Variants in CCDC150 observed in about 807,000 individuals in gnomAD.
CCDC150 encodes the protein coiled-coil domain containing 150, also known as coiled-coil domain-containing protein 150.
CCDC150 carries 151 observed loss-of-function variants against 156.5 expected under a neutral mutation model. The observed-to-expected ratio is 0.97, with a 90% CI of 0.85 to 1.10. CCDC150 has a LOEUF of 1.10. Ranked by LOEUF, CCDC150 falls within the 50% of genes least tolerant of loss-of-function variation. The pLI is 0.00. For synonymous variants in CCDC150, 452 were observed against 429.4 expected, an observed-to-expected ratio of 1.05 and a Z score of -0.65; for missense variants, 1,312 against 1,268.1, an observed-to-expected ratio of 1.03 and a Z score of -0.53.
At chr2:196,642,084 T>G (rs1273629629) in intron 1 of CCDC150, among the ~76,000 whole-genome samples, 1 of 152,240 alleles carries the variant, frequency 6.6e-6, no homozygotes, top group African/African-American at 2.4e-5. Context: ...TGCATAGAAA[T>G]TAGTTATGAA....
chr2:196,691,294 CT>C (rs1280323193), intron 13 of CCDC150, among the ~76,000 whole-genome samples: 4 of 152,162 alleles, frequency 2.6e-5, no homozygotes, highest in Non-Finnish European at 5.9e-5. Context: ...ACCAGCTCTT[CT>C]TTGTACCTGT....
At position 196,717,890 on chromosome 2, in the gene CCDC150, C is replaced by CAA. The variant is rs3085043; in HGVS notation, c.1867-602_1867-601dup. ...TAGATGACAGAGCGAAATTCAGTCT[C>CAA]AAAAAAAAAAAAGCAGGATGAAGGG... is the stretch of plus-strand genomic sequence containing the variant. On this transcript the variant is annotated intron_variant, in intron 17 of 27. Coordinates refer to ENST00000389175, the MANE Select transcript of CCDC150 (RefSeq NM_001080539.2). 5.2e-3 allele frequency among the ~76,000 whole-genome samples: 779 copies of CAA among 148,676 alleles called. 5 individuals are homozygous for CAA. The highest frequency in any genetic ancestry group is 0.019 in the African/African-American group (747 of 39,808).
chr2:196,720,695 A>G, intron 20 of CCDC150, 27 bp downstream of exon 20: 2 of 1,581,086 alleles, frequency 1.3e-6, no homozygotes. Context: ...AAAAAATGAT[A>G]ACATTGATAT....
At chr2:196,698,244 T>C (rs535577901) in intron 14 of CCDC150, among the ~76,000 whole-genome samples, 42 of 152,308 alleles carry the variant, frequency 2.8e-4, no homozygotes, top group Non-Finnish European at 5.4e-4. Flanking sequence ...CTTGGAACAA[T>C]TATTTTGTGT....
intron 1 of CCDC150, among the ~76,000 whole-genome samples, chr2:196,641,805 T>C (rs1035330941): frequency 1.1e-4 from 16 of 152,006 alleles, no homozygotes; most frequent in African/African-American, 2.7e-4. Context: ...ATAAACAACA[T>C]TGACTCCCTG....
chr2:196,646,963 A>C (rs6719394), intron 2 of CCDC150, among the ~76,000 whole-genome samples: 13,871 of 152,160 alleles, frequency 0.091, 797 homozygotes, highest in African/African-American at 0.17. Context: ...AGATACTAAA[A>C]AACAATTTTT....
chr2:196,646,296 A>G, intron 1 of CCDC150, 45 bp from the exon 2 acceptor site: 1 of 1,567,172 alleles, frequency 6.4e-7, no homozygotes, highest in Non-Finnish European at 8.8e-7. Flanking sequence ...CTATTTTTGA[A>G]CAATAATAGG....
Position 196,730,000 on chromosome 2 carries a change from A to T in CCDC150, c.2864A>T (p.Gln955Leu). 6.2e-7 allele frequency: 1 copy of T among 1,613,736 alleles called. No individual in the cohort carries two copies. The highest frequency in any genetic ancestry group is 1.1e-5 in the South Asian group (1 of 90,944). Residue 955 changes from glutamine (Q) to leucine (L), a missense_variant, in exon 25 of 28, where the codon CAG (glutamine) becomes CTG (leucine). Transcript: ENST00000389175. ...TTTGTGTGTGAAATGACTAACCTGC[A>T]GAAAGAGATGCAGATGTTGGCTAAG... ...QRFVCEMTNL[Q>L]KEMQMLAKSQ...
chr2:196,639,787 G>T lies in CCDC150; in HGVS notation c.12+9G>T. 6.3e-7 allele frequency: 1 copy of T among 1,577,626 alleles called. No homozygotes were observed. Among genetic ancestry groups the T allele is most frequent in the Non-Finnish European group, 8.6e-7 (1 of 1,158,058 alleles). On this transcript the variant is annotated intron_variant, in intron 1 of 27. Coordinates refer to ENST00000389175, the MANE Select transcript of CCDC150 (RefSeq NM_001080539.2). Reference sequence around the variant, plus strand: ...GACAGATGGACTGTAAGGTGAGGCTGCCGGGCCCCGGGCTGGTGAGGGGTG... The same window carrying T: ...GACAGATGGACTGTAAGGTGAGGCTTCCGGGCCCCGGGCTGGTGAGGGGTG...
intron 2 of CCDC150, among the ~76,000 whole-genome samples, chr2:196,651,437 T>G (rs972623576): frequency 6.6e-6 from 1 of 152,222 alleles, no homozygotes; most frequent in Non-Finnish European, 1.5e-5. Context: ...CTTGAAGAAC[T>G]TTCTTTAGTT....
rs766606176 is a variant in CCDC150, at chr2:196,719,508, T to C, written c.2007T>C (p.Phe669=). 2 of 1,610,394 alleles carry C rather than the reference T, an allele frequency of 1.2e-6. No homozygotes were observed. Among genetic ancestry groups the C allele is most frequent in the Non-Finnish European group, 1.7e-6 (2 of 1,178,552 alleles). The change falls in exon 19 of 28, where the codon TTT becomes TTC. Residue 669 remains phenylalanine, a synonymous_variant. Coordinates refer to ENST00000389175, the MANE Select transcript of CCDC150 (RefSeq NM_001080539.2). ...TCATTTTCTGTTAGGTGGGAAACTT[T>C]CAGCGACAATTGGCAGAAGCTAAAG... The part of the protein sequence containing the change: ...EDRENKKVGN[F]QRQLAEAKED...
rs1697219756 is a variant in CCDC150 at position 196,712,751 on chromosome 2, G to T, written c.1866+12G>T. ...CTCACCTGAAAGAAGTATTGGTAATGAAAGTGCTTACTTGTCAGCATGGTG... is the reference window on the plus strand; with the variant it reads ...CTCACCTGAAAGAAGTATTGGTAATTAAAGTGCTTACTTGTCAGCATGGTG... On this transcript the variant is annotated intron_variant, in intron 17 of 27. Coordinates refer to ENST00000389175, the MANE Select transcript of CCDC150 (RefSeq NM_001080539.2). 1.2e-6 allele frequency: 2 copies of T among 1,601,704 alleles called. No homozygotes were observed. The highest frequency in any genetic ancestry group is 3.3e-4 in the Middle Eastern group (2 of 6,044).
At chr2:196,674,758 A>T (rs1380788379) in intron 10 of CCDC150, among the ~76,000 whole-genome samples, 1 of 152,134 alleles carries the variant, frequency 6.6e-6, no homozygotes, top group South Asian at 2.1e-4. Flanking sequence ...AGTCACTTTC[A>T]TCAGGCAGCT....
At chr2:196,685,535 A>C (rs1695071907) in intron 13 of CCDC150, among the ~76,000 whole-genome samples, 1 of 152,000 alleles carries the variant, frequency 6.6e-6, no homozygotes, top group South Asian at 2.1e-4. Context: ...TTATCTGGGA[A>C]TGTCTTAATT....
intron 15 of CCDC150, among the ~76,000 whole-genome samples, chr2:196,711,814 A>T (rs1486014498): frequency 6.6e-6 from 1 of 152,086 alleles, no homozygotes. Flanking sequence ...CCACAATTCA[A>T]ATATATTAGC....
At chr2:196,656,160 A>C (rs969003786) in intron 2 of CCDC150, among the ~76,000 whole-genome samples, 2 of 152,156 alleles carry the variant, frequency 1.3e-5, no homozygotes, top group Admixed American at 6.5e-5. Context: ...GTATGCCTCT[A>C]ATCCCTTCTG....
At chr2:196,730,468 T>C (rs1246517436) in intron 25 of CCDC150, among the ~76,000 whole-genome samples, 1 of 152,236 alleles carries the variant, frequency 6.6e-6, no homozygotes, top group Non-Finnish European at 1.5e-5. Flanking sequence ...CACCTGTTGC[T>C]ATTACAGGAC....
rs1198192260 is a variant in CCDC150, at chr2:196,659,737, A to G, written c.645+877A>G. ...TTATGCAGAAAACACAGAGTCCTGT[A>G]TACCCCTCTCTCCACTCCTGCAGTT... On this transcript the variant is annotated intron_variant, in intron 5 of 27. Transcript: ENST00000389175. Among the ~76,000 whole-genome samples, 3 of 152,208 alleles carry G rather than the reference A, an allele frequency of 2.0e-5. No homozygotes were observed. The East Asian group carries it at 5.8e-4, about 29-fold the overall frequency.
chr2:196,710,225 G>A (rs1387567889), intron 15 of CCDC150, among the ~76,000 whole-genome samples: 1 of 152,242 alleles, frequency 6.6e-6, no homozygotes, highest in Non-Finnish European at 1.5e-5. Context: ...AATGGCGGAC[G>A]CCCCTCCCCA....
Sources: gnomAD v4.1 joint callset for allele counts (sites outside exome capture counted in the v4.1 genomes callset) on GRCh38, gnomAD v4.1.1 for gene constraint, MANE v1.5 for transcripts, NCBI Gene and HGNC (gene_info 2026-07-23, HGNC 2026-07-21) for gene names.